The following ZNF131 variants were observed in gnomAD, a reference collection of about 807,000 sequenced individuals.
ZNF131 encodes zinc finger and BTB domain containing 35.
Under a neutral mutation model 60.0 loss-of-function variants are expected in ZNF131, and 7 were observed. That is an observed-to-expected ratio of 0.12 (90% confidence interval 0.07 to 0.22). The LOEUF (loss-of-function observed/expected upper bound fraction) is 0.22. Among genes scored for constraint, ZNF131 ranks in the 10% least tolerant of loss-of-function variants. The pLI is 1.00. For synonymous variants in ZNF131, 257 were observed against 253.2 expected (o/e 1.01, Z -0.14); for missense variants, 493 against 740.9 (o/e 0.67, Z 3.88).
chr5:43,159,236 A>G (rs1282828532), intron 4 of ZNF131, among the ~76,000 whole-genome samples: 1 of 152,172 alleles, frequency 6.6e-6, no homozygotes, highest in Non-Finnish European at 1.5e-5. Context: ...TGGACAATAA[A>G]CCTGCCCTTT....
At chr5:43,147,409 T>TTTTATTTA (rs145929026) in intron 4 of ZNF131, among the ~76,000 whole-genome samples, 21 of 150,988 alleles carry the variant, frequency 1.4e-4, no homozygotes, top group East Asian at 9.7e-4. Flanking sequence ...TTTTATTTTA[T>TTTTATTTA]TTTATTTATT....
At chr5:43,147,538 C>G (rs1004783836) in intron 4 of ZNF131, among the ~76,000 whole-genome samples, 3 of 151,408 alleles carry the variant, frequency 2.0e-5, no homozygotes, top group African/African-American at 7.2e-5. Context: ...CTGCCTCAGC[C>G]TCCGGAGTAG....
chr5:43,160,678 C>CTTTTTTTTTTTTTTTTTTTTTTTTT (rs71608692), intron 4 of ZNF131, among the ~76,000 whole-genome samples: 1 of 93,032 alleles, frequency 1.1e-5, no homozygotes, highest in Non-Finnish European at 2.1e-5. Context: ...TAGCTTGGAA[C>CTTTTTTTTTTTTTTTTTTTTTTTTT]TTTTTTTTTT....
chr5:43,143,488 TC>T, intron 4 of ZNF131: 2 of 1,171,214 alleles, frequency 1.7e-6, no homozygotes, highest in East Asian at 3.0e-5. Context: ...TAATTTCCTA[TC>T]CCACTGGAAC....
chr5:43,169,301 TAA>T (rs1357601940), intron 5 of ZNF131, among the ~76,000 whole-genome samples: 3 of 152,174 alleles, frequency 2.0e-5, no homozygotes, highest in Non-Finnish European at 4.4e-5. Context: ...CTAAAATAAT[TAA>T]TATGTTTCTA....
chr5:43,146,164 G>C (rs1747549701), intron 4 of ZNF131, among the ~76,000 whole-genome samples: 1 of 152,164 alleles, frequency 6.6e-6, no homozygotes, highest in Non-Finnish European at 1.5e-5. Context: ...AATACAGAAG[G>C]TGCATGAGGT....
chr5:43,143,423 T>C, intron 4 of ZNF131: 3 of 1,431,118 alleles, frequency 2.1e-6, no homozygotes, highest in Admixed American at 2.4e-5. Flanking sequence ...AGTGATCTGC[T>C]TCTCCACTGT....
intron 5 of ZNF131, among the ~76,000 whole-genome samples, chr5:43,163,163 C>T (rs1429254993): frequency 1.3e-5 from 2 of 151,456 alleles, no homozygotes; most frequent in Non-Finnish European, 2.9e-5. Context: ...TTAGTAGAGA[C>T]GGGGTTTCAC....
intron 4 of ZNF131, among the ~76,000 whole-genome samples, chr5:43,158,717 A>G (rs967259428): frequency 2.6e-5 from 4 of 152,236 alleles, no homozygotes; most frequent in Non-Finnish European, 5.9e-5. Context: ...AATAGGCAGT[A>G]AAGTAGAGGG....
intron 3 of ZNF131, among the ~76,000 whole-genome samples, chr5:43,135,689 C>T (rs1269937336): frequency 3.9e-5 from 6 of 151,920 alleles, no homozygotes; most frequent in Admixed American, 2.0e-4. Flanking sequence ...CCACTGCACT[C>T]GAGCCTGGGC....
Position 43,174,763 on chromosome 5 carries a change from A to C in ZNF131, c.1502A>C (p.Asp501Ala). ...GTGACTGTGGAACAAGTCCATCCAG[A>C]TCTGCTCCAGGACAGCCAGGTGCAC... ...AQVTVEQVHP[D>A]LLQDSQVHDS... is the part of the protein sequence containing the mutation. The change falls in exon 7 of 7, where the codon GAT (aspartate) becomes GCT (alanine). Residue 501 changes from aspartate to alanine, a missense_variant. Asp to Ala is a moderately radical substitution (Grantham distance 126). Transcript: ENST00000682664. 1.9e-6 allele frequency: 3 copies of C among 1,614,176 alleles called. No individual in the cohort carries two copies. The highest frequency in any genetic ancestry group is 2.5e-6 in the Non-Finnish European group (3 of 1,180,040).
intron 3 of ZNF131, among the ~76,000 whole-genome samples, chr5:43,136,025 GA>G (rs1414767560): frequency 1.3e-5 from 2 of 152,318 alleles, no homozygotes; most frequent in Admixed American, 1.3e-4. Context: ...TGAGGAAGGA[GA>G]ATCGCTTGAA....
chr5:43,146,457 C>T (rs752204639), intron 4 of ZNF131, among the ~76,000 whole-genome samples: 9 of 151,924 alleles, frequency 5.9e-5, no homozygotes, highest in Non-Finnish European at 8.8e-5. Flanking sequence ...GGTGTGGTGG[C>T]GGGCACCTGT....
At chr5:43,122,763 G>C (rs1744035612) in intron 2 of ZNF131, among the ~76,000 whole-genome samples, 1 of 152,198 alleles carries the variant, frequency 6.6e-6, no homozygotes, top group South Asian at 2.1e-4. Flanking sequence ...GTCTACCATA[G>C]ATGGAGCTTC....
chr5:43,135,270 C>G (rs1745926860), intron 3 of ZNF131, among the ~76,000 whole-genome samples: 1 of 151,096 alleles, frequency 6.6e-6, no homozygotes, highest in Admixed American at 6.6e-5. Flanking sequence ...GCTGGGATTA[C>G]AGGTGTGAGC....
At chr5:43,157,512 TC>T (rs1749109219) in intron 4 of ZNF131, among the ~76,000 whole-genome samples, 1 of 151,846 alleles carries the variant, frequency 6.6e-6, no homozygotes, top group South Asian at 2.1e-4. Context: ...TAAAAGAGTC[TC>T]TCTCCCACAG....
intron 5 of ZNF131, among the ~76,000 whole-genome samples, chr5:43,166,364 C>CT (rs1019949607): frequency 2.7e-3 from 354 of 131,198 alleles, no homozygotes; most frequent in Middle Eastern, 0.012. Context: ...ACAAGTGACT[C>CT]TTTTTTTTTT....
intron 4 of ZNF131, among the ~76,000 whole-genome samples, chr5:43,158,859 T>TC (rs397815927): frequency 2.0e-5 from 3 of 151,694 alleles, no homozygotes; most frequent in South Asian, 2.1e-4. Flanking sequence ...TTTTTTTTTT[T>TC]CCCAGCATCT....
intron 2 of ZNF131, 127 bp downstream of exon 2, chr5:43,122,304 C>A: frequency 8.6e-7 from 1 of 1,161,280 alleles, no homozygotes; most frequent in Non-Finnish European, 1.2e-6. Flanking sequence ...CCAAAGTCTG[C>A]AGAGTGTGTG....
Sources: allele counts gnomAD v4.1 joint callset (sites outside exome capture counted in the v4.1 genomes callset), GRCh38; gene constraint gnomAD v4.1.1; transcripts MANE v1.5; gene names NCBI Gene and HGNC (gene_info 2026-07-23, HGNC 2026-07-21).